Variants in SLC24A4 observed in about 807,000 individuals in gnomAD.
SLC24A4 encodes sodium/potassium/calcium exchanger 4.
Under a neutral mutation model 79.0 loss-of-function variants are expected in SLC24A4, and 53 were observed. That is an observed-to-expected ratio of 0.67 (90% confidence interval 0.54 to 0.84). The LOEUF (loss-of-function observed/expected upper bound fraction) is 0.84. SLC24A4 is among the 40% of genes least tolerant of loss of function. The probability of loss-of-function intolerance (pLI) is 0.00; values close to 1 mark genes in which losing one functional copy is unlikely to be tolerated. For synonymous variants in SLC24A4, 323 were observed against 323.8 expected, an observed-to-expected ratio of 1.00 and a Z score of 0.03; for missense variants, 731 against 822.0, an observed-to-expected ratio of 0.89 and a Z score of 1.35.
intron 2 of SLC24A4, among the ~76,000 whole-genome samples, chr14:92,327,939 T>G (rs1023855238): frequency 1.3e-5 from 2 of 152,260 alleles, no homozygotes; most frequent in Non-Finnish European, 2.9e-5. Flanking sequence ...TAGAAAGGAC[T>G]GCATAGATAT....
intron 2 of SLC24A4, among the ~76,000 whole-genome samples, chr14:92,345,061 A>G (rs568753949): frequency 4.6e-5 from 7 of 152,330 alleles, no homozygotes; most frequent in Admixed American, 2.6e-4. Context: ...AGGGGCAGAT[A>G]GAGTGCAGGG....
chr14:92,415,002 G>A (rs1890903461), intron 2 of SLC24A4, among the ~76,000 whole-genome samples: 1 of 152,202 alleles, frequency 6.6e-6, no homozygotes, highest in South Asian at 2.1e-4. Flanking sequence ...TTGGTCCAGT[G>A]GCCTTTCCCT....
At chr14:92,484,821 A>G in intron 13 of SLC24A4, 1 of 985,394 alleles carries the variant, frequency 1.0e-6, no homozygotes, top group Non-Finnish European at 1.2e-6. Context: ...CGCTTATTGA[A>G]ACCAACAGCC....
chr14:92,352,388 T>C (rs1239376111), intron 2 of SLC24A4, among the ~76,000 whole-genome samples: 1 of 152,172 alleles, frequency 6.6e-6, no homozygotes, highest in African/African-American at 2.4e-5. Flanking sequence ...GGTATAGCCG[T>C]ACAGGTGAAT....
At chr14:92,363,570 G>A (rs915162491) in intron 2 of SLC24A4, among the ~76,000 whole-genome samples, 11 of 152,198 alleles carry the variant, frequency 7.2e-5, no homozygotes, top group African/African-American at 2.2e-4. Context: ...ACAGGCTCAC[G>A]CCTGTAATCC....
intron 2 of SLC24A4, among the ~76,000 whole-genome samples, chr14:92,375,534 A>G (rs1202738636): frequency 1.3e-5 from 2 of 152,246 alleles, no homozygotes; most frequent in African/African-American, 2.4e-5. Flanking sequence ...TCCTAAAACC[A>G]AAAGGTAGAA....
chr14:92,470,809 G>T (rs1052157898), intron 12 of SLC24A4, among the ~76,000 whole-genome samples: 10 of 152,270 alleles, frequency 6.6e-5, no homozygotes, highest in Admixed American at 4.6e-4. Flanking sequence ...AATTAGTCCA[G>T]ACTCCTAATG....
At chr14:92,363,207 C>T (rs1173249977) in intron 2 of SLC24A4, among the ~76,000 whole-genome samples, 1 of 152,214 alleles carries the variant, frequency 6.6e-6, no homozygotes, top group African/African-American at 2.4e-5. Context: ...CAGCCTTTTG[C>T]ACCAAGTCAC....
chr14:92,358,728 G>A lies in SLC24A4; in HGVS notation c.241+32750G>A, dbSNP rs372331170. 3.0e-4 allele frequency among the ~76,000 whole-genome samples: 41 copies of A among 137,702 alleles called. 1 individual carries two copies. The East Asian group carries it at 5.4e-3, about 18-fold the overall frequency. The allele number at this position is 137,702 out of a possible 152,430, so 90.3% of individuals were successfully genotyped here. A position where few individuals can be genotyped will look rare whatever the true frequency, so the allele number is the denominator to read the frequency against. On this transcript the variant is annotated intron_variant, in intron 2 of 16. Coordinates refer to ENST00000532405, the MANE Select transcript of SLC24A4 (RefSeq NM_153646.4). ...TTTTTTTTTTTTGAGATGGAGTCTC[G>A]CTCTGTCACCTAGGCTGGAATGCAG...
intron 2 of SLC24A4, among the ~76,000 whole-genome samples, chr14:92,415,763 G>GT (rs887132430): frequency 7.3e-5 from 11 of 151,136 alleles, no homozygotes; most frequent in Non-Finnish European, 1.5e-4. Context: ...CGGCCTCTAT[G>GT]TTTTTATTTT....
chr14:92,386,740 T>A (rs936272223), intron 2 of SLC24A4, among the ~76,000 whole-genome samples: 1 of 152,196 alleles, frequency 6.6e-6, no homozygotes, highest in Admixed American at 6.5e-5. Flanking sequence ...AATCCGTGTT[T>A]AATGTGTAAG....
At chr14:92,449,880 T>C (rs1373813776) in intron 10 of SLC24A4, among the ~76,000 whole-genome samples, 1 of 152,252 alleles carries the variant, frequency 6.6e-6, no homozygotes, top group Non-Finnish European at 1.5e-5. Context: ...AGCCATCTGC[T>C]GTCGTGTCTT....
intron 2 of SLC24A4, among the ~76,000 whole-genome samples, chr14:92,351,915 GAAGGAAAGGA>G (rs11275208): frequency 3.6e-4 from 50 of 140,506 alleles, no homozygotes; most frequent in Admixed American, 5.8e-4. Context: ...GGAAGGAAAG[GAAGGAAAGGA>G]AAGGAAAGGA....
chr14:92,332,964 A>G (rs1264271314), intron 2 of SLC24A4, among the ~76,000 whole-genome samples: 1 of 152,214 alleles, frequency 6.6e-6, no homozygotes, highest in African/African-American at 2.4e-5. Context: ...AGGATGGCCT[A>G]CCTTGTAGAA....
intron 2 of SLC24A4, among the ~76,000 whole-genome samples, chr14:92,361,792 T>C (rs1205211758): frequency 1.3e-5 from 2 of 152,100 alleles, no homozygotes; most frequent in Non-Finnish European, 2.9e-5. Flanking sequence ...GGTCCGATGA[T>C]GCACTTGGCT....
intron 2 of SLC24A4, among the ~76,000 whole-genome samples, chr14:92,371,459 C>T (rs115641020): frequency 0.015 from 2,349 of 152,244 alleles, 61 homozygotes; most frequent in African/African-American, 0.053. Context: ...CAGGCTAAAA[C>T]CCACCTACAT....
chr14:92,491,739 T>A lies in SLC24A4; in HGVS notation c.1612T>A (p.Trp538Arg). The A allele has an allele frequency of 6.2e-7, 1 of 1,613,956 alleles. No homozygotes were observed. Among genetic ancestry groups the A allele is most frequent in the Non-Finnish European group, 8.5e-7 (1 of 1,179,850 alleles). Residue 538 changes from tryptophan to arginine, a missense_variant, in exon 15 of 17, where the codon TGG (tryptophan) becomes AGG (arginine). Coordinates refer to ENST00000532405, the MANE Select transcript of SLC24A4 (RefSeq NM_153646.4). ...FDILVGLGVP[W>R]GLQTMVVNYG... ...CATCCTGGTAGGACTTGGTGTACCG[T>A]GGGGCCTGCAGACCATGGTTGTTAA...
Position 92,374,158 on chromosome 14 carries a change from C to T in SLC24A4, c.241+48180C>T, listed in dbSNP as rs754704531. On this transcript the variant is annotated intron_variant, in intron 2 of 16. Coordinates refer to ENST00000532405, the MANE Select transcript of SLC24A4 (RefSeq NM_153646.4). Reference sequence around the variant, plus strand: ...TTCTTTGTGTCCAGGTCCTAGAGATCGAAGCATGGTTCTGGGGACCATTAG... The same window carrying T: ...TTCTTTGTGTCCAGGTCCTAGAGATTGAAGCATGGTTCTGGGGACCATTAG... Among the ~76,000 whole-genome samples, 73 of 152,190 alleles carry T rather than the reference C, an allele frequency of 4.8e-4. 1 individual carries two copies. The highest frequency in any genetic ancestry group is 6.0e-4 in the Non-Finnish European group (41 of 68,046).
rs1241560863 is a variant in SLC24A4 at position 92,323,297 on chromosome 14, G to A, written c.-534G>A. 1 of 152,122 alleles carries A rather than the reference G, an allele frequency of 6.6e-6. No homozygotes were observed. The allele number at this position is 152,122 out of a possible 1,614,324, so 9.4% of individuals were successfully genotyped here. On this transcript the variant is annotated 5_prime_UTR_variant, in exon 1 of 17. Coordinates refer to ENST00000532405, the MANE Select transcript of SLC24A4 (RefSeq NM_153646.4). This position sits in a 1 kb window ranked among gnomAD's most constrained non-coding sequence, Gnocchi z 4.9. ...CGCGTCCAGCCAGCCTTCCCGCGGCGCGCACTCGGCCGCCCGGGCTCGGCT... is the reference window on the plus strand; with the variant it reads ...CGCGTCCAGCCAGCCTTCCCGCGGCACGCACTCGGCCGCCCGGGCTCGGCT...
Sources: gnomAD v4.1 joint callset for allele counts (sites outside exome capture counted in the v4.1 genomes callset) on GRCh38, gnomAD v4.1.1 for gene constraint, Gnocchi (gnomAD v3.1) non-coding constraint, MANE v1.5 for transcripts, NCBI Gene and HGNC (gene_info 2026-07-23, HGNC 2026-07-21) for gene names.